TAPBPL: variants seen among roughly 807,000 people sequenced by gnomAD.
TAPBPL encodes the protein TAP binding protein like.
Under a neutral mutation model 44.8 loss-of-function variants are expected in TAPBPL, and 32 were observed. The ratio of observed to expected loss-of-function variants is 0.71; its 90% CI spans 0.54 to 0.96. TAPBPL has a LOEUF of 0.96. Ranked by LOEUF, TAPBPL falls within the 40% of genes least tolerant of loss-of-function variation. The probability of loss-of-function intolerance (pLI) is 0.00; values close to 1 mark genes in which losing one functional copy is unlikely to be tolerated. For synonymous variants in TAPBPL, 230 were observed against 240.7 expected (o/e 0.96, Z 0.41); for missense variants, 520 against 586.6 (o/e 0.89, Z 1.17).
downstream of TAPBPL, chr12:6,464,709 T>C (rs1220278734): frequency 1.7e-5 from 26 of 1,508,364 alleles, no homozygotes; most frequent in Non-Finnish European, 2.2e-5. Context: ...GGAAGGCTTG[T>C]CCATCAAAGA....
downstream of TAPBPL, among the ~76,000 whole-genome samples, chr12:6,470,042 G>A (rs1434930047): frequency 2.0e-5 from 3 of 152,212 alleles, no homozygotes; most frequent in East Asian, 1.9e-4. Context: ...CATGAGGGGG[G>A]CTAGACATCA....
rs553219216 is a variant in TAPBPL, at chr12:6,458,060, G to A, written c.904+316G>A. ...CAAACCAAGGCAGAGCAGTGGAAGC[G>A]GTTCTGACCATTATCACTGCTATCC... On this transcript the variant is annotated intron_variant, in intron 4 of 6. Transcript: ENST00000266556. Among the ~76,000 whole-genome samples the A allele has an allele frequency of 7.2e-5, 11 of 152,288 alleles. No homozygotes were observed. In the East Asian group the frequency reaches 7.7e-4, roughly 11 times the overall value.
At chr12:6,462,369 A>C, downstream of TAPBPL, 1 of 509,964 alleles carries the variant, frequency 2.0e-6, no homozygotes, top group Non-Finnish European at 3.5e-6. Context: ...TTAGGAAAAA[A>C]AGACAAAGAG....
downstream of TAPBPL, chr12:6,464,711 C>T: frequency 4.6e-6 from 7 of 1,509,062 alleles, no homozygotes; most frequent in Non-Finnish European, 5.3e-6. Context: ...AAGGCTTGTC[C>T]ATCAAAGAAA....
At chr12:6,465,858 CA>C (rs1450861314), downstream of TAPBPL, 2 of 1,614,004 alleles carry the variant, frequency 1.2e-6, no homozygotes, top group Non-Finnish European at 1.7e-6. Flanking sequence ...GTTTTTCCAC[CA>C]ATACTTCCTC....
In TAPBPL at chr12:6,462,146, C is replaced by T; in HGVS notation, c.1404C>T (p.Ser468=). The change falls in exon 7 of 7, where the codon AGC becomes AGT. Residue 468 remains serine (S), a synonymous_variant. Coordinates refer to ENST00000266556, the MANE Select transcript of TAPBPL (RefSeq NM_018009.5). ...EDRTARVSQP[S] Reference sequence around the variant, plus strand: ...GCACAGCGCGTGTAAGCCAGCCCAGCTGACCTAAAGCGACATGAGACTACT... The same window carrying T: ...GCACAGCGCGTGTAAGCCAGCCCAGTTGACCTAAAGCGACATGAGACTACT... The T allele has an allele frequency of 6.2e-7, 1 of 1,608,348 alleles. No individual in the cohort carries two copies. Among genetic ancestry groups the T allele is most frequent in the Non-Finnish European group, 8.5e-7 (1 of 1,176,048 alleles).
chr12:6,471,625 C>G, the TAPBPL span, among the ~76,000 whole-genome samples: 21 of 152,104 alleles, frequency 1.4e-4, no homozygotes, highest in Admixed American at 1.3e-3. This position sits in a 1 kb window ranked among gnomAD's most constrained non-coding sequence, Gnocchi z 4.0. Context: ...ATCAGGAGTT[C>G]GAGACCAGCC....
In TAPBPL at chr12:6,458,880, C is replaced by T; in HGVS notation, c.1140C>T (p.Tyr380=). ...AACCTGGCTCTGCAGGTGCCACTTA[C>T]ACCTGCCAGGTCACACACATCTCTC... The part of the protein sequence containing the change: ...TAEPGSAGAT[Y]TCQVTHISLE... The change falls in exon 5 of 7, where the codon TAC becomes TAT. Residue 380 remains tyrosine (Y), a synonymous_variant. Transcript: ENST00000266556. The T allele has an allele frequency of 1.2e-6, 2 of 1,614,200 alleles. No individual in the cohort carries two copies. Among genetic ancestry groups the T allele is most frequent in the African/African-American group, 1.3e-5 (1 of 75,052 alleles).
chr12:6,470,470 G>A, downstream of TAPBPL: 2 of 1,612,188 alleles, frequency 1.2e-6, no homozygotes, highest in Non-Finnish European at 1.7e-6. Context: ...CCGCAGAATC[G>A]GGAGCTTGGG....
Position 6,462,143 on chromosome 12 carries a change from C to A in TAPBPL, c.1401C>A (p.Pro467=), listed in dbSNP as rs573060784. 1 of 1,609,940 alleles carries A rather than the reference C, an allele frequency of 6.2e-7. No homozygotes were observed. The highest frequency in any genetic ancestry group is 2.2e-5 in the East Asian group (1 of 44,718). ...ACCGCACAGCGCGTGTAAGCCAGCCCAGCTGACCTAAAGCGACATGAGACT... is the reference window on the plus strand; with the variant it reads ...ACCGCACAGCGCGTGTAAGCCAGCCAAGCTGACCTAAAGCGACATGAGACT... ...HEDRTARVSQ[P]S Residue 467 remains proline, a synonymous_variant, in exon 7 of 7, where the codon CCC becomes CCA. Coordinates refer to ENST00000266556, the MANE Select transcript of TAPBPL (RefSeq NM_018009.5).
chr12:6,464,841 C>T (rs764868962), downstream of TAPBPL: 4 of 1,612,900 alleles, frequency 2.5e-6, no homozygotes, highest in African/African-American at 1.3e-5. Context: ...GAGAAGACTC[C>T]AGGACCTTCC....
At chr12:6,465,388 A>ATATATATATAAATGTATATATACG (rs1491122233), downstream of TAPBPL, 1 of 75,522 alleles carries the variant, frequency 1.3e-5, no homozygotes, top group Non-Finnish European at 2.5e-5. Flanking sequence ...ATATATATGT[A>ATATATATATAAATGTATATATACG]TATATATATA....
chr12:6,453,707 C>T lies in TAPBPL; in HGVS notation c.556C>T (p.Arg186Ter), dbSNP rs750899815. Residue 186 changes from arginine to a stop codon, truncating the protein, a stop_gained, in exon 3 of 7, where the codon CGA (arginine) becomes TGA (stop). Coordinates refer to ENST00000266556, the MANE Select transcript of TAPBPL (RefSeq NM_018009.5). LOFTEE classifies it high-confidence loss of function. This position sits in a 1 kb window ranked among gnomAD's most constrained non-coding sequence, Gnocchi z 4.8. The stretch of plus-strand genomic sequence containing the variant: ...GCCACTGAGCCCCCAGGGGACTGTG[C>T]GAACTGCAGGTAAGAAAATGAAAAG... Reference protein sequence around the residue: ...NLPLSPQGTVRTAVEFQVMTQ... With the variant: ...NLPLSPQGTV 40 of 1,594,542 alleles carry T rather than the reference C, an allele frequency of 2.5e-5. No individual in the cohort carries two copies. The highest frequency in any genetic ancestry group is 2.1e-4 in the Admixed American group (12 of 57,510).
rs759616853 is a variant in TAPBPL, at chr12:6,453,262, C to G, written c.260C>G (p.Ala87Gly). 4 of 1,614,038 alleles carry G rather than the reference C, an allele frequency of 2.5e-6. No homozygotes were observed. The East Asian group carries it at 8.9e-5, about 36-fold the overall frequency. The change falls in exon 2 of 7, where the codon GCC becomes GGC. Residue 87 changes from alanine (A) to glycine (G), a missense_variant. Physicochemically the swap from Ala to Gly is moderately conservative, Grantham distance 60. Coordinates refer to ENST00000266556, the MANE Select transcript of TAPBPL (RefSeq NM_018009.5). The surrounding 1 kb of genome is among the most constrained non-coding windows in gnomAD (Gnocchi z 4.8). ...DFTDFQGGTLAQDDPPIIFEA... is the reference protein window; with the variant it reads ...DFTDFQGGTLGQDDPPIIFEA... The stretch of plus-strand genomic sequence containing the variant: ...ACCGATTTCCAAGGGGGCACACTGG[C>G]CCAAGATGACCCACCTATTATCTTT...
chr12:6,453,398 G>A lies in TAPBPL; in HGVS notation c.296-49G>A. Reference sequence around the variant, plus strand: ...ACACATACTGCCTCCCGTTGGCCCTGGTGTTCTCACGCTAATTTGCCCTCT... The same window carrying A: ...ACACATACTGCCTCCCGTTGGCCCTAGTGTTCTCACGCTAATTTGCCCTCT... On this transcript the variant is annotated intron_variant, in intron 2 of 6. Coordinates refer to ENST00000266556, the MANE Select transcript of TAPBPL (RefSeq NM_018009.5). The surrounding 1 kb of genome is among the most constrained non-coding windows in gnomAD (Gnocchi z 4.8). 1 of 1,610,020 alleles carries A rather than the reference G, an allele frequency of 6.2e-7. No homozygotes were observed. The highest frequency in any genetic ancestry group is 1.3e-5 in the African/African-American group (1 of 74,970).
downstream of TAPBPL, chr12:6,463,404 AT>A: frequency 9.4e-7 from 1 of 1,058,754 alleles, no homozygotes; most frequent in African/African-American, 1.7e-5. The surrounding 1 kb of genome is among the most constrained non-coding windows in gnomAD (Gnocchi z 4.0). Flanking sequence ...CACTTGCCTC[AT>A]CCCTGTCTTT....
chr12:6,463,058 C>T (rs575169727), downstream of TAPBPL: 56 of 1,540,266 alleles, frequency 3.6e-5, no homozygotes, highest in African/African-American at 7.0e-4. This position sits in a 1 kb window ranked among gnomAD's most constrained non-coding sequence, Gnocchi z 4.0. Flanking sequence ...TGCACCTGGG[C>T]TTATCCCACA....
chr12:6,460,514 A>C (rs1295054542), intron 5 of TAPBPL, among the ~76,000 whole-genome samples: 1 of 152,082 alleles, frequency 6.6e-6, no homozygotes, highest in Non-Finnish European at 1.5e-5. Context: ...TGATCCACCT[A>C]CCTCAGCCTC....
intron 1 of TAPBPL, 144 bp downstream of exon 1, chr12:6,452,456 C>T (rs1039865338): frequency 8.3e-6 from 12 of 1,449,742 alleles, no homozygotes; most frequent in Admixed American, 2.8e-5. Context: ...GGCTCAGCGG[C>T]TGGCAAAGGA....
Sources: allele counts gnomAD v4.1 joint callset (sites outside exome capture counted in the v4.1 genomes callset), GRCh38; gene constraint gnomAD v4.1.1; non-coding constraint Gnocchi (gnomAD v3.1); transcripts MANE v1.5; gene names NCBI Gene and HGNC (gene_info 2026-07-23, HGNC 2026-07-21).